GRM7: variants seen among roughly 807,000 people sequenced by gnomAD.
GRM7 encodes metabotropic glutamate receptor 7.
Under a neutral mutation model 84.5 loss-of-function variants are expected in GRM7, and 35 were observed. The observed-to-expected ratio is 0.41, with a 90% CI of 0.32 to 0.55. The LOEUF (loss-of-function observed/expected upper bound fraction) is 0.55, where lower values mean the gene tolerates loss of function less well. Ranked by LOEUF, GRM7 falls within the 20% of genes least tolerant of loss-of-function variation. GRM7 has a pLI of 0.19. For synonymous variants in GRM7, 487 were observed against 455.1 expected, an observed-to-expected ratio of 1.07 and a Z score of -0.89; for missense variants, 1,003 against 1,194.6, an observed-to-expected ratio of 0.84 and a Z score of 2.36.
intron 8 of GRM7, among the ~76,000 whole-genome samples, chr3:7,617,027 C>T (rs959826488): frequency 1.3e-5 from 2 of 151,972 alleles, no homozygotes; most frequent in South Asian, 2.1e-4. Flanking sequence ...TATTGCATGG[C>T]AAGATATATC....
At chr3:6,988,231 G>A (rs1177083663) in intron 1 of GRM7, among the ~76,000 whole-genome samples, 2 of 134,772 alleles carry the variant, frequency 1.5e-5, no homozygotes, top group Non-Finnish European at 3.0e-5. Context: ...GGATGGTCTC[G>A]ATCTCCTGAC....
intron 2 of GRM7, among the ~76,000 whole-genome samples, chr3:7,216,656 A>G (rs1465934862): frequency 6.6e-6 from 1 of 152,170 alleles, no homozygotes; most frequent in Non-Finnish European, 1.5e-5. Context: ...AAATTCCCCA[A>G]ATAAACTGTT....
intron 4 of GRM7, among the ~76,000 whole-genome samples, chr3:7,327,683 T>C (rs1038490167): frequency 6.6e-6 from 1 of 152,218 alleles, no homozygotes; most frequent in Non-Finnish European, 1.5e-5. Context: ...ACTTTTGCTC[T>C]TTAATCTCTA....
chr3:7,291,367 C>T (rs1159049675), intron 2 of GRM7, among the ~76,000 whole-genome samples: 1 of 152,094 alleles, frequency 6.6e-6, no homozygotes, highest in East Asian at 1.9e-4. Context: ...GGTTCTCTCT[C>T]TTTTTCTGGT....
intron 1 of GRM7, among the ~76,000 whole-genome samples, chr3:7,041,107 G>A (rs1051060129): frequency 3.3e-5 from 5 of 151,224 alleles, no homozygotes; most frequent in Admixed American, 6.6e-5. Flanking sequence ...AAAATTATGT[G>A]GTGATTGCAT....
chr3:6,885,657 T>C (rs1338506671), intron 1 of GRM7, among the ~76,000 whole-genome samples: 1 of 152,194 alleles, frequency 6.6e-6, no homozygotes, highest in African/African-American at 2.4e-5. Flanking sequence ...ATTTTCTTAT[T>C]ATAAGGGAGG....
intron 5 of GRM7, among the ~76,000 whole-genome samples, chr3:7,430,895 G>A (rs961482275): frequency 2.6e-5 from 4 of 152,196 alleles, no homozygotes; most frequent in African/African-American, 4.8e-5. Flanking sequence ...CTTGCTTAAA[G>A]TCCTTTATAA....
chr3:7,131,620 A>T (rs1693602023), intron 1 of GRM7, among the ~76,000 whole-genome samples: 1 of 151,940 alleles, frequency 6.6e-6, no homozygotes, highest in Non-Finnish European at 1.5e-5. Context: ...CGGGGACTAC[A>T]GGTGCACGCC....
At chr3:7,004,764 A>G (rs1695125630) in intron 1 of GRM7, among the ~76,000 whole-genome samples, 1 of 152,184 alleles carries the variant, frequency 6.6e-6, no homozygotes, top group Admixed American at 6.5e-5. Flanking sequence ...TTTTCCCGTC[A>G]GGTGTTTCAA....
At chr3:7,616,195 G>T (rs948570790) in intron 8 of GRM7, among the ~76,000 whole-genome samples, 4 of 152,004 alleles carry the variant, frequency 2.6e-5, no homozygotes, top group Admixed American at 6.6e-5. Context: ...CATGCTAATA[G>T]ACTTTACTGC....
At chr3:6,915,537 T>G (rs1263439606) in intron 1 of GRM7, among the ~76,000 whole-genome samples, 5 of 152,218 alleles carry the variant, frequency 3.3e-5, no homozygotes, top group African/African-American at 7.2e-5. Flanking sequence ...TCAAATTTCT[T>G]ACTTTAACAA....
At chr3:7,564,681 G>A (rs13093123) in intron 7 of GRM7, among the ~76,000 whole-genome samples, 1 of 151,886 alleles carries the variant, frequency 6.6e-6, no homozygotes, top group African/African-American at 2.4e-5. Flanking sequence ...CGTTATTTAG[G>A]TAACTGCCAT....
chr3:7,635,026 G>A (rs1698026414), intron 8 of GRM7, among the ~76,000 whole-genome samples: 1 of 152,174 alleles, frequency 6.6e-6, no homozygotes, highest in South Asian at 2.1e-4. Flanking sequence ...TGTAATGATG[G>A]AAATGTCCTC....
chr3:7,222,316 C>T (rs1360844260), intron 2 of GRM7, among the ~76,000 whole-genome samples: 1 of 151,950 alleles, frequency 6.6e-6, no homozygotes, highest in East Asian at 1.9e-4. Context: ...AGATATTTTG[C>T]AGGTCAGAGA....
intron 4 of GRM7, among the ~76,000 whole-genome samples, chr3:7,336,253 A>T (rs193026575): frequency 4.7e-4 from 71 of 152,230 alleles, no homozygotes; most frequent in Non-Finnish European, 9.1e-4. Context: ...GCAAGTCAAT[A>T]AACTTGATAT....
intron 8 of GRM7, among the ~76,000 whole-genome samples, chr3:7,644,242 ATG>A (rs1559459884): frequency 1.3e-5 from 2 of 151,414 alleles, no homozygotes; most frequent in African/African-American, 4.9e-5. Context: ...GTACATATAT[ATG>A]TGTGTGTCTG....
intron 7 of GRM7, among the ~76,000 whole-genome samples, chr3:7,473,538 T>C (rs888970209): frequency 8.9e-6 from 1 of 112,830 alleles, no homozygotes; most frequent in Non-Finnish European, 2.0e-5. Flanking sequence ...GAGAAACACC[T>C]TGACAGAGTT....
intron 7 of GRM7, among the ~76,000 whole-genome samples, chr3:7,566,098 C>T (rs1338833220): frequency 2.7e-5 from 3 of 111,912 alleles, no homozygotes; most frequent in Non-Finnish European, 5.4e-5. Context: ...GGCTCTGAAT[C>T]AGCTGTTTTT....
At chr3:7,019,920 A>G (rs943912128) in intron 1 of GRM7, among the ~76,000 whole-genome samples, 3 of 152,244 alleles carry the variant, frequency 2.0e-5, no homozygotes, top group Admixed American at 6.5e-5. Context: ...TACTAAAAAG[A>G]CACCGGAAAA....
Sources: gnomAD v4.1 joint callset for allele counts (sites outside exome capture counted in the v4.1 genomes callset) on GRCh38, gnomAD v4.1.1 for gene constraint, MANE v1.5 for transcripts, NCBI Gene and HGNC (gene_info 2026-07-23, HGNC 2026-07-21) for gene names.